Variants in ADAM7 observed in about 807,000 individuals in gnomAD.
ADAM7 encodes the protein ADAM metallopeptidase domain 7, also known as disintegrin and metalloproteinase domain-containing protein 7.
A neutral mutation model predicts 102.9 loss-of-function variants in ADAM7; 97 were observed. That is an observed-to-expected ratio of 0.94 (90% confidence interval 0.80 to 1.12). The LOEUF is 1.12. Among genes scored for constraint, ADAM7 ranks in the 50% most tolerant of loss-of-function variants. The probability of loss-of-function intolerance (pLI) is 0.00; values close to 1 mark genes in which losing one functional copy is unlikely to be tolerated. For synonymous variants in ADAM7, 334 were observed against 304.4 expected (o/e 1.10, Z -1.01); for missense variants, 991 against 908.7 (o/e 1.09, Z -1.16).
At chr8:24,486,032 G>A (rs1820133256) in intron 10 of ADAM7, among the ~76,000 whole-genome samples, 1 of 152,108 alleles carries the variant, frequency 6.6e-6, no homozygotes, top group Non-Finnish European at 1.5e-5. Context: ...GTTATTTTGT[G>A]TGTATAGCTT....
chr8:24,482,266 A>T lies in ADAM7; in HGVS notation c.830A>T (p.Lys277Met). 6.2e-7 allele frequency: 1 copy of T among 1,611,422 alleles called. No homozygotes were observed. The change falls in exon 9 of 22, where the codon AAG becomes ATG. Residue 277 changes from lysine to methionine, a missense_variant. Lys to Met is a moderately conservative substitution (Grantham distance 95). Transcript: ENST00000175238. ...TTGCGTTTTTCATTTTGGCAAGAAA[A>T]GATCCTTAAAACACGGAAGGATTTT... ...TLLRFSFWQE[K>M]ILKTRKDFDH...
intron 7 of ADAM7, among the ~76,000 whole-genome samples, chr8:24,470,071 G>C (rs1819554544): frequency 6.6e-6 from 1 of 152,030 alleles, no homozygotes; most frequent in African/African-American, 2.4e-5. Context: ...AAGCAAATCA[G>C]ATAACATGGT....
intron 3 of ADAM7, among the ~76,000 whole-genome samples, chr8:24,457,200 G>T (rs569076744): frequency 6.6e-6 from 1 of 152,024 alleles, no homozygotes; most frequent in South Asian, 2.1e-4. Context: ...AAAACTTTAT[G>T]TGCTTATTTG....
chr8:24,502,094 C>T (rs1351889230), intron 20 of ADAM7, among the ~76,000 whole-genome samples: 1 of 151,924 alleles, frequency 6.6e-6, no homozygotes, highest in Non-Finnish European at 1.5e-5. Context: ...AATTAAATTA[C>T]AATAGAAGTA....
intron 14 of ADAM7, 38 bp from the exon 15 acceptor site, chr8:24,492,457 G>A: frequency 1.4e-6 from 2 of 1,403,940 alleles, no homozygotes; most frequent in Non-Finnish European, 2.0e-6. Flanking sequence ...TGATAGTCAT[G>A]CTTTATTGTT....
In ADAM7 at chr8:24,442,554, A is replaced by G. The variant is rs767489646; in HGVS notation, c.134A>G (p.His45Arg). The G allele has an allele frequency of 2.5e-6, 4 of 1,613,918 alleles. No homozygotes were observed. Among genetic ancestry groups the G allele is most frequent in the Middle Eastern group, 1.6e-4 (1 of 6,084 alleles). ...LPLIQKRDTGHTHDDDILKTY... is the reference protein window; with the variant it reads ...LPLIQKRDTGRTHDDDILKTY... ...CTGATACAGAAGCGAGATACTGGAC[A>G]CACCCATGATGATGACATACTGGTA... The change falls in exon 2 of 22, where the codon CAC becomes CGC. Residue 45 changes from histidine (H) to arginine (R), a missense_variant. Physicochemically the swap from His to Arg is conservative, Grantham distance 29 (BLOSUM62 0). Transcript: ENST00000175238.
intron 17 of ADAM7, among the ~76,000 whole-genome samples, chr8:24,499,613 T>C (rs1820678383): frequency 6.6e-6 from 1 of 152,090 alleles, no homozygotes; most frequent in Non-Finnish European, 1.5e-5. Context: ...ATGTTTAAAG[T>C]TGAATCTATT....
rs548412498 is a variant in ADAM7 at position 24,501,792 on chromosome 8, T to C, written c.2208+216T>C. ...ATATGGAACAATAACCAAGATACTATATCAGAGCAGAATATATTGGTTTAA... is the reference window on the plus strand; with the variant it reads ...ATATGGAACAATAACCAAGATACTACATCAGAGCAGAATATATTGGTTTAA... On this transcript the variant is annotated intron_variant, in intron 20 of 21. Transcript: ENST00000175238. Among the ~76,000 whole-genome samples the C allele has an allele frequency of 1.6e-4, 24 of 152,140 alleles. No individual in the cohort carries two copies. The South Asian group carries it at 3.7e-3, about 24-fold the overall frequency.
chr8:24,492,327 G>A (rs1378469834), intron 14 of ADAM7, among the ~76,000 whole-genome samples, 168 bp from the exon 15 acceptor site: 1 of 152,004 alleles, frequency 6.6e-6, no homozygotes, highest in African/African-American at 2.4e-5. Flanking sequence ...TATATCTCCA[G>A]CCTAAAATAT....
intron 2 of ADAM7, among the ~76,000 whole-genome samples, 193 bp downstream of exon 2, chr8:24,442,769 G>C (rs978488764): frequency 1.3e-5 from 2 of 151,802 alleles, no homozygotes; most frequent in African/African-American, 4.8e-5. Context: ...GTAAAGCCTG[G>C]GTTTAGGGAA....
chr8:24,500,593 A>G (rs1820725395), intron 18 of ADAM7, among the ~76,000 whole-genome samples, 197 bp from the exon 19 acceptor site: 1 of 152,158 alleles, frequency 6.6e-6, no homozygotes, highest in Admixed American at 6.6e-5. Context: ...TATTGGGTGG[A>G]GTGTCAGTTG....
intron 7 of ADAM7, among the ~76,000 whole-genome samples, chr8:24,470,355 A>C (rs1292577635): frequency 6.6e-6 from 1 of 152,134 alleles, no homozygotes; most frequent in Non-Finnish European, 1.5e-5. Context: ...AGGTAGTCAC[A>C]ATTTTACACT....
intron 7 of ADAM7, among the ~76,000 whole-genome samples, chr8:24,474,656 C>G (rs750261948): frequency 1.3e-5 from 2 of 151,872 alleles, no homozygotes; most frequent in Non-Finnish European, 2.9e-5. Context: ...TTTGAGAAGC[C>G]GAGGTGGGAG....
rs1013941195 is a variant in ADAM7, at chr8:24,467,088, G to C, written c.579+100G>C. ...TGAGTCCAGTTACTGAAATATATGT[G>C]CTACTTTCAGTCTGGCACTTCATCT... On this transcript the variant is annotated intron_variant, in intron 6 of 21. Transcript: ENST00000175238. The C allele has an allele frequency of 2.6e-6, 3 of 1,150,678 alleles. No homozygotes were observed. The African/African-American group carries it at 4.7e-5, about 18-fold the overall frequency. The allele number at this position is 1,150,678 out of a possible 1,614,324, so 71.3% of individuals were successfully genotyped here.
At chr8:24,468,400 C>T (rs779960747) in intron 6 of ADAM7, among the ~76,000 whole-genome samples, 5 of 152,020 alleles carry the variant, frequency 3.3e-5, no homozygotes, top group Non-Finnish European at 4.4e-5. Context: ...GCATGCTAGG[C>T]TTAATACCTA....
At chr8:24,462,035 T>A (rs1056877582) in intron 3 of ADAM7, among the ~76,000 whole-genome samples, 5 of 152,242 alleles carry the variant, frequency 3.3e-5, no homozygotes, top group African/African-American at 1.2e-4. Flanking sequence ...TTCTTCATTG[T>A]GTAAATTTGA....
chr8:24,461,207 T>C (rs1022276809), intron 3 of ADAM7, among the ~76,000 whole-genome samples: 2 of 152,082 alleles, frequency 1.3e-5, no homozygotes, highest in African/African-American at 4.8e-5. Flanking sequence ...TTAGCCAGGA[T>C]GGTCTCGATC....
In ADAM7 at chr8:24,509,471, A is replaced by G. The variant is rs1006178974; in HGVS notation, c.*925A>G. On this transcript the variant is annotated 3_prime_UTR_variant, in exon 22 of 22. Transcript: ENST00000175238. ...GTGAACTGTTAAAGCTACATGCATT[A>G]TTTTTTTTCCATTTACTGAAATAAA... The G allele has an allele frequency of 8.1e-6, 8 of 984,028 alleles. No homozygotes were observed. In the Admixed American group the frequency reaches 4.9e-4, roughly 61 times the overall value. 61.0% of individuals were successfully genotyped at this position (984,028 alleles called of 1,614,324 possible).
At chr8:24,508,205 C>A (rs1029085820) in intron 21 of ADAM7, among the ~76,000 whole-genome samples, 2 of 152,178 alleles carry the variant, frequency 1.3e-5, no homozygotes, top group Admixed American at 1.3e-4. Context: ...ACACCGCCCA[C>A]CTCCACCGAA....
Sources: allele counts gnomAD v4.1 joint callset (sites outside exome capture counted in the v4.1 genomes callset), GRCh38; gene constraint gnomAD v4.1.1; transcripts MANE v1.5; gene names NCBI Gene and HGNC (gene_info 2026-07-23, HGNC 2026-07-21).